The following TCF7L1 variants were observed in gnomAD, a reference collection of about 807,000 sequenced individuals.
The protein encoded by TCF7L1 is transcription factor 7 like 1.
Under a neutral mutation model 63.7 loss-of-function variants are expected in TCF7L1, and 18 were observed. That is an observed-to-expected ratio of 0.28 (90% confidence interval 0.20 to 0.42). The LOEUF (loss-of-function observed/expected upper bound fraction) is 0.42, where lower values mean the gene tolerates loss of function less well. Among genes scored for constraint, TCF7L1 ranks in the 10% least tolerant of loss-of-function variants. TCF7L1 has a pLI of 1.00. For missense variants in TCF7L1, 654 were observed against 779.3 expected, an observed-to-expected ratio of 0.84 and a Z score of 1.91; for synonymous variants, 355 against 340.9, an observed-to-expected ratio of 1.04 and a Z score of -0.46.
chr2:85,292,988 T>A lies in TCF7L1; in HGVS notation c.525+9410T>A, dbSNP rs371597099. On this transcript the variant is annotated intron_variant, in intron 4 of 11. Transcript: ENST00000282111. Reference sequence around the variant, plus strand: ...CTGTGGGTCACTTGGAGTGGCTGTTTTAGCTTGTTAAGGGGGAGGTTCAGG... The same window carrying A: ...CTGTGGGTCACTTGGAGTGGCTGTTATAGCTTGTTAAGGGGGAGGTTCAGG... Among the ~76,000 whole-genome samples the A allele has an allele frequency of 7.5e-4, 114 of 152,344 alleles. 2 individuals are homozygous for A. In the South Asian group the frequency reaches 0.023, roughly 31 times the overall value.
chr2:85,215,791 A>C (rs1053968695), intron 3 of TCF7L1, among the ~76,000 whole-genome samples: 2 of 148,140 alleles, frequency 1.4e-5, no homozygotes, highest in Non-Finnish European at 3.0e-5. Context: ...GGGGGTGGTG[A>C]GGTTTGTTGC....
rs981672570 is a variant in TCF7L1 at position 85,134,459 on chromosome 2, C to T, written c.441+9C>T. 1.3e-6 allele frequency: 2 copies of T among 1,549,876 alleles called. No homozygotes were observed. Among genetic ancestry groups the T allele is most frequent in the Non-Finnish European group, 1.7e-6 (2 of 1,146,530 alleles). On this transcript the variant is annotated intron_variant, in intron 3 of 11. Transcript: ENST00000282111. This position sits in a 1 kb window ranked among gnomAD's most constrained non-coding sequence, Gnocchi z 5.0. The stretch of plus-strand genomic sequence containing the variant: ...CCGGAGGAGCGCGCACCGTGAGTGC[C>T]CGTCGGGCGCGCCGGGGAGGGTGGG...
At chr2:85,290,596 C>T (rs2104376432) in intron 4 of TCF7L1, among the ~76,000 whole-genome samples, 1 of 152,310 alleles carries the variant, frequency 6.6e-6, no homozygotes, top group South Asian at 2.1e-4. Flanking sequence ...TAGAACAGTT[C>T]TCCTAGTCAG....
intron 3 of TCF7L1, among the ~76,000 whole-genome samples, chr2:85,250,458 A>T (rs1213575709): frequency 6.6e-6 from 1 of 151,660 alleles, no homozygotes; most frequent in Non-Finnish European, 1.5e-5. Context: ...TTTTTTTGAG[A>T]CAGAGTCTCG....
At chr2:85,191,639 A>G (rs1558629172) in intron 3 of TCF7L1, among the ~76,000 whole-genome samples, 2 of 152,110 alleles carry the variant, frequency 1.3e-5, no homozygotes, top group Admixed American at 6.5e-5. Flanking sequence ...AGCCTGATCA[A>G]CGTGGTGAAA....
intron 3 of TCF7L1, among the ~76,000 whole-genome samples, chr2:85,225,869 A>T (rs1389668824): frequency 6.6e-6 from 1 of 152,212 alleles, no homozygotes; most frequent in Non-Finnish European, 1.5e-5. Flanking sequence ...TTCAAAGGGA[A>T]TGCTTCTAGT....
At chr2:85,227,891 C>T (rs1679992372) in intron 3 of TCF7L1, among the ~76,000 whole-genome samples, 1 of 148,652 alleles carries the variant, frequency 6.7e-6, no homozygotes, top group Non-Finnish European at 1.5e-5. Flanking sequence ...ACTCGGGAGG[C>T]TGAGGTGGGA....
intron 4 of TCF7L1, among the ~76,000 whole-genome samples, chr2:85,286,961 G>A (rs1193847353): frequency 6.6e-6 from 1 of 152,276 alleles, no homozygotes; most frequent in South Asian, 2.1e-4. Flanking sequence ...AAACTAACAC[G>A]TGTACTCTGA....
intron 3 of TCF7L1, among the ~76,000 whole-genome samples, chr2:85,141,784 T>C (rs1348839311): frequency 2.0e-5 from 3 of 152,174 alleles, no homozygotes; most frequent in African/African-American, 7.2e-5. Context: ...TCCCCCCAGC[T>C]TTAAAGACGA....
At chr2:85,164,320 A>G (rs1286154891) in intron 3 of TCF7L1, among the ~76,000 whole-genome samples, 1 of 152,206 alleles carries the variant, frequency 6.6e-6, no homozygotes, top group African/African-American at 2.4e-5. Flanking sequence ...CAGTGGCAGC[A>G]GTGGCTGAAG....
chr2:85,287,925 T>G (rs1471987141), intron 4 of TCF7L1, among the ~76,000 whole-genome samples: 1 of 152,194 alleles, frequency 6.6e-6, no homozygotes, highest in Non-Finnish European at 1.5e-5. Flanking sequence ...TGCCTTGGTT[T>G]CCTCATCTAT....
intron 3 of TCF7L1, among the ~76,000 whole-genome samples, chr2:85,236,903 T>G (rs967748987): frequency 6.6e-6 from 1 of 152,190 alleles, no homozygotes; most frequent in South Asian, 2.1e-4. Context: ...TCCCTAAACC[T>G]GTCTACCACC....
chr2:85,209,042 A>G (rs1298773237), intron 3 of TCF7L1, among the ~76,000 whole-genome samples: 4 of 152,232 alleles, frequency 2.6e-5, no homozygotes, highest in Non-Finnish European at 4.4e-5. Flanking sequence ...ACATTAAAAC[A>G]GGGTGGTCTG....
intron 3 of TCF7L1, among the ~76,000 whole-genome samples, chr2:85,226,667 A>C (rs556178928): frequency 6.6e-6 from 1 of 151,828 alleles, no homozygotes; most frequent in Non-Finnish European, 1.5e-5. Context: ...TCCCATAATA[A>C]CCACTCACTC....
Position 85,283,554 on chromosome 2 carries a change from GAGGTCA to G in TCF7L1, c.502_507del (p.Arg168_Ser169del). ...CCTCCAGCGCCACAGTCAAGGACAC[GAGGTCA>G]CCATCTCCAGCACACTTGGTAAGTC... On this transcript the variant is annotated inframe_deletion, in exon 4 of 12. Transcript: ENST00000282111. The G allele has an allele frequency of 1.2e-6, 2 of 1,614,138 alleles. No homozygotes were observed. The highest frequency in any genetic ancestry group is 1.7e-6 in the Non-Finnish European group (2 of 1,180,002).
At chr2:85,264,898 A>G (rs1226347012) in intron 3 of TCF7L1, among the ~76,000 whole-genome samples, 1 of 152,324 alleles carries the variant, frequency 6.6e-6, no homozygotes, top group East Asian at 1.9e-4. Flanking sequence ...AACCATCAGG[A>G]AACTTGTGTG....
intron 3 of TCF7L1, among the ~76,000 whole-genome samples, chr2:85,193,117 T>C (rs571497063): frequency 6.6e-6 from 1 of 152,364 alleles, no homozygotes; most frequent in Admixed American, 6.5e-5. Context: ...CTGACCACCT[T>C]TGCTGTGCTT....
At chr2:85,216,367 C>T (rs188315211) in intron 3 of TCF7L1, among the ~76,000 whole-genome samples, 76 of 152,156 alleles carry the variant, frequency 5.0e-4, no homozygotes, top group African/African-American at 1.5e-3. Context: ...TGCCCGTTTC[C>T]GCTGCCCATG....
intron 3 of TCF7L1, among the ~76,000 whole-genome samples, chr2:85,143,949 T>G (rs952139253): frequency 3.3e-5 from 5 of 152,224 alleles, no homozygotes; most frequent in African/African-American, 1.2e-4. Flanking sequence ...TCCCAGGAAC[T>G]TCATCCGAGG....
Sources: gnomAD v4.1 joint callset for allele counts (sites outside exome capture counted in the v4.1 genomes callset) on GRCh38, gnomAD v4.1.1 for gene constraint, Gnocchi (gnomAD v3.1) non-coding constraint, MANE v1.5 for transcripts, NCBI Gene and HGNC (gene_info 2026-07-23, HGNC 2026-07-21) for gene names.